KCND2: variants seen among roughly 807,000 people sequenced by gnomAD.
KCND2 encodes A-type voltage-gated potassium channel KCND2.
A neutral mutation model predicts 54.4 loss-of-function variants in KCND2; 16 were observed. The observed-to-expected ratio is 0.29, with a 90% confidence interval of 0.20 to 0.45. KCND2 has a LOEUF of 0.45. Ranked by LOEUF, KCND2 falls within the 20% of genes least tolerant of loss-of-function variation. KCND2 has a pLI of 1.00. For missense variants in KCND2, 486 were observed against 824.2 expected (o/e 0.59, Z 5.02); for synonymous variants, 317 against 310.7 (o/e 1.02, Z -0.21).
intron 1 of KCND2, among the ~76,000 whole-genome samples, chr7:120,578,755 C>T (rs1481085529): frequency 6.6e-6 from 1 of 151,994 alleles, no homozygotes; most frequent in Non-Finnish European, 1.5e-5. Flanking sequence ...AACCCAGCTA[C>T]TCAGGAGGCT....
At chr7:120,298,971 A>AG (rs1799548653) in intron 1 of KCND2, among the ~76,000 whole-genome samples, 1 of 152,164 alleles carries the variant, frequency 6.6e-6, no homozygotes, top group African/African-American at 2.4e-5. Context: ...CAGCCTGGCC[A>AG]ACATGGGTGA....
intron 1 of KCND2, among the ~76,000 whole-genome samples, chr7:120,551,086 G>C (rs183911706): frequency 2.6e-4 from 39 of 152,210 alleles, no homozygotes; most frequent in Non-Finnish European, 4.4e-4. Context: ...TATTCATTTA[G>C]AATTTTAAAT....
intron 1 of KCND2, among the ~76,000 whole-genome samples, chr7:120,389,436 A>G (rs553090457): frequency 1.3e-5 from 2 of 151,930 alleles, no homozygotes; most frequent in South Asian, 2.1e-4. Context: ...ATTATTAACT[A>G]TGGTCCTCAT....
chr7:120,678,705 CACTT>C (rs1792101341), intron 1 of KCND2, among the ~76,000 whole-genome samples: 1 of 142,756 alleles, frequency 7.0e-6, no homozygotes, highest in South Asian at 2.2e-4. Context: ...GTATCTATAG[CACTT>C]ACACTATATA....
At chr7:120,660,529 A>G (rs1791852923) in intron 1 of KCND2, among the ~76,000 whole-genome samples, 1 of 152,212 alleles carries the variant, frequency 6.6e-6, no homozygotes, top group Non-Finnish European at 1.5e-5. Flanking sequence ...TTAGTTTGCT[A>G]TAAAAACATA....
chr7:120,448,432 A>G (rs1024277653), intron 1 of KCND2, among the ~76,000 whole-genome samples: 1 of 152,034 alleles, frequency 6.6e-6, no homozygotes, highest in African/African-American at 2.4e-5. Flanking sequence ...TCTATCATTG[A>G]TGGACATTTG....
At chr7:120,545,677 T>C (rs1792033889) in intron 1 of KCND2, among the ~76,000 whole-genome samples, 1 of 151,802 alleles carries the variant, frequency 6.6e-6, no homozygotes, top group Non-Finnish European at 1.5e-5. Context: ...AGATAGCAGG[T>C]CAGCCAGCAG....
chr7:120,456,569 C>T (rs1028726762), intron 1 of KCND2, among the ~76,000 whole-genome samples: 1 of 152,180 alleles, frequency 6.6e-6, no homozygotes, highest in African/African-American at 2.4e-5. Context: ...AATTTCATTA[C>T]TATACTGATT....
intron 1 of KCND2, among the ~76,000 whole-genome samples, chr7:120,572,406 T>C (rs1456080997): frequency 6.6e-6 from 1 of 152,206 alleles, no homozygotes; most frequent in Non-Finnish European, 1.5e-5. Flanking sequence ...AGATTATTTT[T>C]TATGGTTTAT....
At chr7:120,292,194 A>G (rs1362143764) in intron 1 of KCND2, among the ~76,000 whole-genome samples, 2 of 151,930 alleles carry the variant, frequency 1.3e-5, no homozygotes, top group Non-Finnish European at 2.9e-5. Context: ...ATATTGAAAT[A>G]TAGTAAATGA....
At chr7:120,640,094 T>C (rs576469689) in intron 1 of KCND2, among the ~76,000 whole-genome samples, 50 of 152,312 alleles carry the variant, frequency 3.3e-4, no homozygotes, top group Admixed American at 3.3e-3. Flanking sequence ...GCAGTATTTC[T>C]TCCTTCCCTC....
chr7:120,295,508 T>C (rs1799499660), intron 1 of KCND2, among the ~76,000 whole-genome samples: 1 of 151,494 alleles, frequency 6.6e-6, no homozygotes. Context: ...CCAAATCTCG[T>C]GAGGAGTTTC....
At chr7:120,556,922 T>C (rs1792172978) in intron 1 of KCND2, among the ~76,000 whole-genome samples, 1 of 152,216 alleles carries the variant, frequency 6.6e-6, no homozygotes, top group African/African-American at 2.4e-5. Flanking sequence ...GATTTTGCAA[T>C]GTTATTCACT....
intron 1 of KCND2, among the ~76,000 whole-genome samples, chr7:120,677,416 C>T (rs1792075926): frequency 6.6e-6 from 1 of 151,634 alleles, no homozygotes; most frequent in Non-Finnish European, 1.5e-5. Flanking sequence ...TTTGTGAGTC[C>T]CAAAGGTTCC....
At chr7:120,317,671 C>T (rs1183037329) in intron 1 of KCND2, among the ~76,000 whole-genome samples, 1 of 152,138 alleles carries the variant, frequency 6.6e-6, no homozygotes, top group African/African-American at 2.4e-5. Flanking sequence ...ACTTCATCCG[C>T]ATTTGATTTG....
intron 1 of KCND2, among the ~76,000 whole-genome samples, chr7:120,392,263 C>T (rs2116054841): frequency 6.6e-6 from 1 of 151,896 alleles, no homozygotes; most frequent in East Asian, 1.9e-4. Context: ...TGTTCTGTCC[C>T]ATTGGTCTAT....
intron 1 of KCND2, among the ~76,000 whole-genome samples, chr7:120,471,519 G>A (rs1355799382): frequency 1.3e-5 from 2 of 152,062 alleles, no homozygotes; most frequent in African/African-American, 4.8e-5. Context: ...TGCAGGCAAG[G>A]TATATACCTT....
chr7:120,656,524 A>G (rs1250402443), intron 1 of KCND2, among the ~76,000 whole-genome samples: 1 of 152,218 alleles, frequency 6.6e-6, no homozygotes, highest in Non-Finnish European at 1.5e-5. Flanking sequence ...ACTGAGATTA[A>G]GATTCATATC....
intron 1 of KCND2, among the ~76,000 whole-genome samples, chr7:120,467,317 C>T (rs913066972): frequency 1.1e-4 from 16 of 152,102 alleles, no homozygotes; most frequent in Admixed American, 1.0e-3. Context: ...ACTGTCCTTT[C>T]CATCAGTTTC....
Sources: gnomAD v4.1 joint callset for allele counts (sites outside exome capture counted in the v4.1 genomes callset) on GRCh38, gnomAD v4.1.1 for gene constraint, MANE v1.5 for transcripts, NCBI Gene and HGNC (gene_info 2026-07-23, HGNC 2026-07-21) for gene names.